The following FAM9B variants were observed in gnomAD, a reference collection of about 807,000 sequenced individuals.
The protein encoded by FAM9B is protein FAM9B.
A neutral mutation model predicts 16.6 loss-of-function variants in FAM9B; 18 were observed. That is an observed-to-expected ratio of 1.09 (90% CI 0.75 to 1.61). The LOEUF is 1.61. FAM9B is among the 40% of genes most tolerant of loss of function. FAM9B has a pLI of 0.00. For synonymous variants in FAM9B, 43 were observed against 42.6 expected, an observed-to-expected ratio of 1.01 and a Z score of -0.03; for missense variants, 155 against 136.0, an observed-to-expected ratio of 1.14 and a Z score of -0.70.
chrX:9,025,298 A>C lies in FAM9B; in HGVS notation c.*111T>G. 1 of 333,988 alleles carries C rather than the reference A, an allele frequency of 3.0e-6. No homozygotes were observed. The highest frequency in any genetic ancestry group is 8.2e-5 in the South Asian group (1 of 12,247). The allele number at this position is 333,988 out of a possible 1,213,427, so 27.5% of individuals were successfully genotyped here. On this transcript the variant is annotated 3_prime_UTR_variant, in exon 9 of 9. Coordinates refer to ENST00000327220, the MANE Select transcript of FAM9B (RefSeq NM_205849.3). ...TCAAGTTGTGCTTGTATCATATAAC[A>C]TAGGTTCAAGTTCTTTCTTCAGTCA...
At chrX:9,029,636 C>T (rs1921011675) in intron 5 of FAM9B, among the ~76,000 whole-genome samples, 1 of 111,825 alleles carries the variant, frequency 8.9e-6, no homozygotes, top group African/African-American at 3.2e-5. Context: ...ACATTCTTTA[C>T]CTGCTGAAGA....
intron 5 of FAM9B, 167 bp downstream of exon 5, chrX:9,030,094 C>A: frequency 1.0e-6 from 1 of 983,273 alleles, no homozygotes; most frequent in Non-Finnish European, 1.4e-6. Context: ...TTCTGTTAAA[C>A]TGAGGTTATA....
intron 7 of FAM9B, among the ~76,000 whole-genome samples, chrX:9,026,558 T>C (rs1920968780): frequency 9.0e-6 from 1 of 111,065 alleles, no homozygotes. Context: ...GAAGGATGGC[T>C]CAGAAGAGAA....
At chrX:9,032,557 G>A (rs777302447) in intron 2 of FAM9B, 96 bp from the exon 3 acceptor site, 20 of 590,312 alleles carry the variant, frequency 3.4e-5, no homozygotes, top group Middle Eastern at 3.8e-4. Context: ...CTTTTTTGGG[G>A]GGGGGGGGCT....
rs753070325 is a variant in FAM9B at position 9,025,518 on chromosome X, G to C, written c.558C>G (p.Asn186Lys). 5.8e-6 allele frequency: 7 copies of C among 1,198,206 alleles called. No individual in the cohort carries two copies. In the African/African-American group the frequency reaches 1.1e-4, roughly 18 times the overall value. ...VFSDEDSELD[N>K] Reference sequence around the variant, plus strand: ...ATGATTTTATTTAAAAACATGTCTAGTTATCAAGTTCACTGTCTTCATCGG... The same window carrying C: ...ATGATTTTATTTAAAAACATGTCTACTTATCAAGTTCACTGTCTTCATCGG... The change falls in exon 8 of 9, where the codon AAC becomes AAG. Residue 186 changes from asparagine (N) to lysine (K), a missense_variant. Coordinates refer to ENST00000327220, the MANE Select transcript of FAM9B (RefSeq NM_205849.3).
intron 5 of FAM9B, among the ~76,000 whole-genome samples, 176 bp from the exon 6 acceptor site, chrX:9,029,594 C>A (rs768537761): frequency 1.8e-5 from 2 of 111,899 alleles, no homozygotes; most frequent in Non-Finnish European, 3.8e-5. Flanking sequence ...TGAAAGGATT[C>A]TTTTCTTCCT....
chrX:9,026,894 A>G lies in FAM9B; in HGVS notation c.492+974T>C, dbSNP rs758427329. Among the ~76,000 whole-genome samples, 22 of 112,059 alleles carry G rather than the reference A, an allele frequency of 2.0e-4. No individual in the cohort carries two copies. In the South Asian group the frequency reaches 6.3e-3, roughly 32 times the overall value. ...CTTCTATTTAAATAACTGTTTGTGT[A>G]TAGATAATCCTCAAGTTGCTTGAAA... On this transcript the variant is annotated intron_variant, in intron 7 of 8. Coordinates refer to ENST00000327220, the MANE Select transcript of FAM9B (RefSeq NM_205849.3).
chrX:9,033,238 C>A (rs1246332810), intron 1 of FAM9B, 163 bp from the exon 2 acceptor site: 6 of 1,097,203 alleles, frequency 5.5e-6, no homozygotes, highest in Non-Finnish European at 7.1e-6. Flanking sequence ...CTGTCCTGGC[C>A]CGTCCAGCCC....
chrX:9,032,252 G>A, intron 3 of FAM9B, 89 bp downstream of exon 3: 1 of 1,195,981 alleles, frequency 8.4e-7, no homozygotes, highest in African/African-American at 1.7e-5. Context: ...GAAATGTTCT[G>A]CATAGAATAG....
chrX:9,030,437 C>T lies in FAM9B; in HGVS notation c.182-77G>A. On this transcript the variant is annotated intron_variant, in intron 4 of 8. Coordinates refer to ENST00000327220, the MANE Select transcript of FAM9B (RefSeq NM_205849.3). ...AAAGTAGTTTCTTTGCATATACTGACATCAATATGGGACTTTATGGTTCAG... is the reference window on the plus strand; with the variant it reads ...AAAGTAGTTTCTTTGCATATACTGATATCAATATGGGACTTTATGGTTCAG... 7 of 699,777 alleles carry T rather than the reference C, an allele frequency of 1.0e-5. 1 individual carries two copies. In the South Asian group the frequency reaches 1.9e-4, roughly 19 times the overall value. 57.7% of individuals were successfully genotyped at this position (699,777 alleles called of 1,213,427 possible). A position where few individuals can be genotyped will look rare whatever the true frequency, so the allele number is the denominator to read the frequency against.
chrX:9,033,702 C>A, intron 1 of FAM9B, 150 bp downstream of exon 1: 8 of 264,789 alleles, frequency 3.0e-5, no homozygotes, highest in Non-Finnish European at 3.9e-5. Flanking sequence ...CCCACCCTAG[C>A]CCACCCTCAG....
intron 7 of FAM9B, among the ~76,000 whole-genome samples, chrX:9,026,141 T>C (rs1233651953): frequency 1.8e-5 from 2 of 112,205 alleles, no homozygotes; most frequent in Non-Finnish European, 3.8e-5. Context: ...TCCGTATTTC[T>C]ATGACATGAG....
intron 6 of FAM9B, among the ~76,000 whole-genome samples, chrX:9,028,972 T>C (rs1396812841): frequency 9.0e-6 from 1 of 111,486 alleles, no homozygotes; most frequent in African/African-American, 3.3e-5. Context: ...CCACAGCCAG[T>C]CATCATATCC....
rs1168827294 is a variant in FAM9B at position 9,028,978 on chromosome X, T to C, written c.393+329A>G. ...GCTGAAATTCCACAGCCAGTCATCA[T>C]ATCCCCATCTCTGCATCTATTCCCT... On this transcript the variant is annotated intron_variant, in intron 6 of 8. Transcript: ENST00000327220. Among the ~76,000 whole-genome samples, 7 of 111,731 alleles carry C rather than the reference T, an allele frequency of 6.3e-5. No homozygotes were observed. In the Admixed American group the frequency reaches 6.7e-4, roughly 11 times the overall value.
chrX:9,033,671 C>G, intron 1 of FAM9B, 181 bp downstream of exon 1: 1 of 606,986 alleles, frequency 1.6e-6, no homozygotes, highest in Non-Finnish European at 2.0e-6. Context: ...CCAGCTCCCT[C>G]CCTGCCCTGG....
rs142867505 is a variant in FAM9B at position 9,032,449 on chromosome X, A to C, written c.41T>G (p.Val14Gly). Residue 14 changes from valine to glycine, a missense_variant, in exon 3 of 9, where the codon GTC becomes GGC. Physicochemically the swap from Val to Gly is moderately radical, Grantham distance 109 (BLOSUM62 -3). Coordinates refer to ENST00000327220, the MANE Select transcript of FAM9B (RefSeq NM_205849.3). ...WGKKHAGKDP[V>G]RDECEERNRF... ...GTTTCTTTCCTCACATTCATCACGGACTGGATCCTTTCCTGCATTAAAATG... is the reference window on the plus strand; with the variant it reads ...GTTTCTTTCCTCACATTCATCACGGCCTGGATCCTTTCCTGCATTAAAATG... 2.5e-6 allele frequency: 3 copies of C among 1,201,121 alleles called. No individual in the cohort carries two copies. In the African/African-American group the frequency reaches 5.3e-5, roughly 21 times the overall value.
At chrX:9,028,026 T>G (rs757455110) in intron 6 of FAM9B, 60 bp from the exon 7 acceptor site, 75 of 813,183 alleles carry the variant, frequency 9.2e-5, no homozygotes, top group Non-Finnish European at 1.3e-4. Context: ...TTACAAAACA[T>G]AATTCTGCAT....
Position 9,024,681 on chromosome X carries a change from C to T in FAM9B, c.*728G>A, listed in dbSNP as rs1920955302. 8.9e-6 allele frequency: 1 copy of T among 111,861 alleles called. No individual in the cohort carries two copies. Among genetic ancestry groups the T allele is most frequent in the Non-Finnish European group, 1.9e-5 (1 of 53,135 alleles). The allele number at this position is 111,861 out of a possible 1,213,427, so 9.2% of individuals were successfully genotyped here. A position where few individuals can be genotyped will look rare whatever the true frequency, so the allele number is the denominator to read the frequency against. The stretch of plus-strand genomic sequence containing the variant: ...AACGCACAGATAAGATAGCTTTTGT[C>T]TTCTTCTTCTTGTTTTCTGAGAAAG... On this transcript the variant is annotated 3_prime_UTR_variant, in exon 9 of 9. Coordinates refer to ENST00000327220, the MANE Select transcript of FAM9B (RefSeq NM_205849.3).
intron 1 of FAM9B, chrX:9,033,635 G>T: frequency 2.7e-6 from 1 of 370,913 alleles, no homozygotes; most frequent in Non-Finnish European, 3.2e-6. Flanking sequence ...GGACCCTCCC[G>T]GGCCCTAGGG....
Sources: allele counts gnomAD v4.1 joint callset (sites outside exome capture counted in the v4.1 genomes callset), GRCh38; gene constraint gnomAD v4.1.1; transcripts MANE v1.5; gene names NCBI Gene and HGNC (gene_info 2026-07-23, HGNC 2026-07-21).